ATF7IP: variants seen among roughly 807,000 people sequenced by gnomAD.
ATF7IP encodes activating transcription factor 7 interacting protein.
In ATF7IP, 23 loss-of-function variants were observed where a neutral mutation model predicts 106.4. That is an observed-to-expected ratio of 0.22 (90% CI 0.16 to 0.31). The LOEUF is 0.31. Ranked by LOEUF, ATF7IP falls within the 10% of genes least tolerant of loss-of-function variation. The pLI is 1.00. For missense variants in ATF7IP, 1,334 were observed against 1,524.3 expected, an observed-to-expected ratio of 0.88 and a Z score of 2.08; for synonymous variants, 542 against 539.0, an observed-to-expected ratio of 1.01 and a Z score of -0.08.
chr12:14,411,748 G>A (rs545851187), intron 1 of ATF7IP, among the ~76,000 whole-genome samples: 119 of 151,582 alleles, frequency 7.9e-4, no homozygotes, highest in African/African-American at 2.6e-3. Context: ...TTTCTTAGTG[G>A]TTTCCTTTGC....
At chr12:14,370,094 T>C (rs1055754529) in intron 1 of ATF7IP, among the ~76,000 whole-genome samples, 3 of 152,090 alleles carry the variant, frequency 2.0e-5, no homozygotes, top group African/African-American at 7.2e-5. Flanking sequence ...TGTGCCACTA[T>C]GCCCGGCTAA....
Position 14,393,774 on chromosome 12 carries a change from G to A in ATF7IP, c.-8+27947G>A, listed in dbSNP as rs184098359. On this transcript the variant is annotated intron_variant, in intron 1 of 14. Transcript: ENST00000261168. ...AGTTTCTGGATTGTTACTTTAAAAT[G>A]AAATTTAATATATCTCTAGCCTTAA... 8.3e-3 allele frequency among the ~76,000 whole-genome samples: 1,267 copies of A among 152,220 alleles called. 7 individuals carry two copies. Among genetic ancestry groups the A allele is most frequent in the Non-Finnish European group, 0.012 (786 of 67,984 alleles).
intron 1 of ATF7IP, among the ~76,000 whole-genome samples, chr12:14,383,201 A>G (rs573894587): frequency 2.6e-5 from 4 of 152,326 alleles, no homozygotes; most frequent in African/African-American, 9.6e-5. Context: ...TTTTCGGATT[A>G]GGGATGTCCA....
chr12:14,496,036 G>T (rs1336948840), intron 13 of ATF7IP, among the ~76,000 whole-genome samples, 195 bp from the exon 14 acceptor site: 1 of 152,098 alleles, frequency 6.6e-6, no homozygotes, highest in Non-Finnish European at 1.5e-5. Context: ...TTTAGTGCTT[G>T]CATGTAAGAA....
chr12:14,401,222 T>A (rs967527189), intron 1 of ATF7IP, among the ~76,000 whole-genome samples: 1 of 152,294 alleles, frequency 6.6e-6, no homozygotes, highest in Admixed American at 6.5e-5. Flanking sequence ...TGAGACAGAG[T>A]CTTGCTCTTG....
At chr12:14,384,048 A>G (rs1210727946) in intron 1 of ATF7IP, among the ~76,000 whole-genome samples, 1 of 152,202 alleles carries the variant, frequency 6.6e-6, no homozygotes, top group Non-Finnish European at 1.5e-5. Context: ...AAAAACTTTT[A>G]TTATGGAAAA....
At chr12:14,433,091 A>G (rs552028948) in intron 2 of ATF7IP, among the ~76,000 whole-genome samples, 7 of 152,238 alleles carry the variant, frequency 4.6e-5, no homozygotes, top group East Asian at 1.9e-4. Context: ...CTTCTGGGCC[A>G]GTCGAGGTGG....
intron 1 of ATF7IP, among the ~76,000 whole-genome samples, chr12:14,394,186 A>G (rs913486952): frequency 6.6e-6 from 1 of 152,188 alleles, no homozygotes; most frequent in African/African-American, 2.4e-5. Context: ...TATTTAATTG[A>G]TTAGTTAAAA....
At chr12:14,412,840 C>A (rs1940996378) in intron 1 of ATF7IP, among the ~76,000 whole-genome samples, 1 of 151,994 alleles carries the variant, frequency 6.6e-6, no homozygotes. Context: ...ATGGTGAAAC[C>A]CCGTCTCTAC....
intron 1 of ATF7IP, among the ~76,000 whole-genome samples, chr12:14,391,726 G>T (rs202104836): frequency 6.6e-6 from 1 of 152,084 alleles, no homozygotes; most frequent in South Asian, 2.1e-4. Flanking sequence ...TTGTTTGTTT[G>T]TTTGTTTGTT....
Position 14,370,302 on chromosome 12 carries a change from T to C in ATF7IP, c.-8+4475T>C, listed in dbSNP as rs117961927. Among the ~76,000 whole-genome samples the C allele has an allele frequency of 8.5e-3, 1,301 of 152,282 alleles. 12 individuals are homozygous for C. Among genetic ancestry groups the C allele is most frequent in the South Asian group, 0.038 (183 of 4,832 alleles). ...TAGCTTCTCAAAAGAATATATGATA[T>C]AAAGTTTAAACAGAGGTTGACAATG... On this transcript the variant is annotated intron_variant, in intron 1 of 14. Coordinates refer to ENST00000261168, the MANE Select transcript of ATF7IP (RefSeq NM_018179.5).
At chr12:14,441,054 T>G (rs7311060) in intron 5 of ATF7IP, among the ~76,000 whole-genome samples, 2,970 of 152,332 alleles carry the variant, frequency 0.019, 98 homozygotes, top group African/African-American at 0.068. Flanking sequence ...ATACAAGTGT[T>G]TGTTTGAATA....
intron 2 of ATF7IP, among the ~76,000 whole-genome samples, chr12:14,429,039 T>A (rs561230413): frequency 2.6e-5 from 4 of 152,178 alleles, no homozygotes; most frequent in African/African-American, 9.7e-5. Flanking sequence ...CCATATACTT[T>A]CCTCTAACTA....
intron 13 of ATF7IP, among the ~76,000 whole-genome samples, chr12:14,491,949 C>CCCTGCAT (rs1442550504): frequency 2.0e-5 from 3 of 152,170 alleles, no homozygotes; most frequent in Non-Finnish European, 4.4e-5. Flanking sequence ...TCTTTCACGT[C>CCCTGCAT]CTTGATGGTG....
intron 1 of ATF7IP, among the ~76,000 whole-genome samples, chr12:14,368,153 T>C (rs890226540): frequency 8.5e-5 from 13 of 152,238 alleles, no homozygotes; most frequent in Admixed American, 4.6e-4. Context: ...TTGGAAAATA[T>C]TGAAAATTAA....
At chr12:14,493,072 T>G (rs1944881780) in intron 13 of ATF7IP, among the ~76,000 whole-genome samples, 1 of 152,166 alleles carries the variant, frequency 6.6e-6, no homozygotes, top group Non-Finnish European at 1.5e-5. Context: ...TCTCTCACAG[T>G]GTGCCATCTT....
At chr12:14,387,386 G>A (rs1036145392) in intron 1 of ATF7IP, among the ~76,000 whole-genome samples, 1 of 151,996 alleles carries the variant, frequency 6.6e-6, no homozygotes, top group African/African-American at 2.4e-5. Flanking sequence ...GCGAGAGTGG[G>A]AGGGGAGGAG....
At chr12:14,399,942 G>A (rs1565482163) in intron 1 of ATF7IP, among the ~76,000 whole-genome samples, 1 of 152,294 alleles carries the variant, frequency 6.6e-6, no homozygotes, top group South Asian at 2.1e-4. Context: ...GGGATATGCT[G>A]ATAATTTGTC....
intron 9 of ATF7IP, among the ~76,000 whole-genome samples, chr12:14,462,910 T>C (rs891709147): frequency 1.3e-5 from 2 of 152,034 alleles, no homozygotes; most frequent in African/African-American, 4.8e-5. Flanking sequence ...AATGCTTACC[T>C]ACATTTGATA....
Sources: allele counts gnomAD v4.1 joint callset (sites outside exome capture counted in the v4.1 genomes callset), GRCh38; gene constraint gnomAD v4.1.1; transcripts MANE v1.5; gene names NCBI Gene and HGNC (gene_info 2026-07-23, HGNC 2026-07-21).